Variants in RNF14 observed in about 807,000 individuals in gnomAD.
The protein encoded by RNF14 is E3 ubiquitin-protein ligase RNF14.
Under a neutral mutation model 52.6 loss-of-function variants are expected in RNF14, and 26 were observed. The observed-to-expected ratio is 0.49, with a 90% confidence interval of 0.36 to 0.69. The LOEUF (loss-of-function observed/expected upper bound fraction) is 0.69. RNF14 is among the 30% of genes least tolerant of loss of function. RNF14 has a pLI of 0.00. For synonymous variants in RNF14, 194 were observed against 202.0 expected (o/e 0.96, Z 0.34); for missense variants, 404 against 560.4 (o/e 0.72, Z 2.82).
At position 141,987,715 on chromosome 5, in the gene RNF14, C is replaced by A. The variant is rs567177882; in HGVS notation, c.1368-18C>A. The stretch of plus-strand genomic sequence containing the variant: ...TTCGTTCAAGTGTATAAAAATGTAC[C>A]TTTTTTAATGCTTCCAGGCTGTTTT... On this transcript the variant is annotated intron_variant, in intron 8 of 8. Coordinates refer to ENST00000394520, the MANE Select transcript of RNF14 (RefSeq NM_004290.5). The A allele has an allele frequency of 6.2e-7, 1 of 1,613,052 alleles. No homozygotes were observed. The highest frequency in any genetic ancestry group is 1.1e-5 in the South Asian group (1 of 91,004).
intron 1 of RNF14, among the ~76,000 whole-genome samples, chr5:141,961,643 G>T (rs1232029334): frequency 6.6e-6 from 1 of 152,068 alleles, no homozygotes; most frequent in African/African-American, 2.4e-5. Context: ...TTTTAAAAGG[G>T]CAGGATTAGG....
chr5:141,975,924 C>CA (rs5871799), intron 4 of RNF14, among the ~76,000 whole-genome samples: 29 of 131,124 alleles, frequency 2.2e-4, no homozygotes, highest in South Asian at 1.7e-3. Flanking sequence ...GACCCTGTCT[C>CA]AAAAAAAAAA....
intron 4 of RNF14, among the ~76,000 whole-genome samples, 154 bp from the exon 5 acceptor site, chr5:141,978,149 C>G (rs560987317): frequency 3.0e-5 from 1 of 33,326 alleles, no homozygotes; most frequent in Admixed American, 4.1e-4. Flanking sequence ...AATGTTTGTA[C>G]TGTTTTGTAT....
At chr5:141,974,681 G>A in intron 3 of RNF14, 123 bp from the exon 4 acceptor site, 1 of 872,936 alleles carries the variant, frequency 1.1e-6, no homozygotes, top group Non-Finnish European at 1.8e-6. Flanking sequence ...AATAGAAAGT[G>A]CTTTGGGGGA....
chr5:141,956,821 TCCAGAA>T (rs746170608), upstream of RNF14: 1 of 1,614,256 alleles, frequency 6.2e-7, no homozygotes, highest in South Asian at 1.1e-5. Context: ...GTCATTGACA[TCCAGAA>T]CCTTGATGAG....
At chr5:141,957,850 A>G (rs1445006450), upstream of RNF14, 2 of 1,597,012 alleles carry the variant, frequency 1.3e-6, no homozygotes, top group Middle Eastern at 1.7e-4. The surrounding 1 kb of genome is among the most constrained non-coding windows in gnomAD (Gnocchi z 4.3). Flanking sequence ...AAGTTGCATC[A>G]TGCTTACCGC....
upstream of RNF14, chr5:141,957,733 A>G: frequency 6.2e-7 from 1 of 1,613,800 alleles, no homozygotes. This position sits in a 1 kb window ranked among gnomAD's most constrained non-coding sequence, Gnocchi z 4.3. Context: ...ACCAGATGGC[A>G]CTTCCTCTGA....
chr5:141,981,196 T>G (rs960665230), intron 6 of RNF14, among the ~76,000 whole-genome samples: 1 of 152,228 alleles, frequency 6.6e-6, no homozygotes, highest in African/African-American at 2.4e-5. Context: ...TATTCAAAAT[T>G]GTTATATTTG....
chr5:141,967,373 T>A (rs973933144), upstream of RNF14, among the ~76,000 whole-genome samples: 1 of 152,220 alleles, frequency 6.6e-6, no homozygotes, highest in African/African-American at 2.4e-5. Flanking sequence ...TTTGATTACA[T>A]GAGTAAGTTC....
chr5:141,957,287 C>T, upstream of RNF14: 1 of 1,613,482 alleles, frequency 6.2e-7, no homozygotes, highest in Non-Finnish European at 8.5e-7. This position sits in a 1 kb window ranked among gnomAD's most constrained non-coding sequence, Gnocchi z 4.3. Context: ...TTGGTCTCAT[C>T]AGGGCCCACA....
chr5:141,957,234 G>C, upstream of RNF14: 2 of 1,614,158 alleles, frequency 1.2e-6, no homozygotes, highest in Non-Finnish European at 1.7e-6. The surrounding 1 kb of genome is among the most constrained non-coding windows in gnomAD (Gnocchi z 4.3). Flanking sequence ...AAAATGAATG[G>C]ATTTCCCTGT....
intron 3 of RNF14, 45 bp from the exon 4 acceptor site, chr5:141,974,759 A>G (rs781118509): frequency 1.0e-5 from 16 of 1,594,180 alleles, no homozygotes; most frequent in Non-Finnish European, 1.4e-5. Flanking sequence ...GTGGACACTC[A>G]AGTGTTGACC....
intron 6 of RNF14, chr5:141,982,743 T>TTC (rs1258105666): frequency 3.4e-3 from 15 of 4,412 alleles, no homozygotes; most frequent in African/African-American, 0.01. Flanking sequence ...ATTCACTGAT[T>TTC]TTTTTTTTTT....
Position 141,978,758 on chromosome 5 carries a change from G to A in RNF14, c.762G>A (p.Gln254=), listed in dbSNP as rs769769499. 11 of 1,613,896 alleles carry A rather than the reference G, an allele frequency of 6.8e-6. No homozygotes were observed. The highest frequency in any genetic ancestry group is 1.1e-5 in the South Asian group (1 of 91,072). ...GTCTGAAGGACTACTTTGAAATCCA[G>A]ATCAGAGATGGCCAGGTTCAATGCC... is the stretch of plus-strand genomic sequence containing the variant. The part of the protein sequence containing the change: ...KACLKDYFEI[Q]IRDGQVQCLN... The change falls in exon 5 of 9, where the codon CAG becomes CAA. Residue 254 remains glutamine, a synonymous_variant. Coordinates refer to ENST00000394520, the MANE Select transcript of RNF14 (RefSeq NM_004290.5).
chr5:141,971,569 TTCTTTC>T (rs1561544476), intron 2 of RNF14, among the ~76,000 whole-genome samples: 1 of 4,166 alleles, frequency 2.4e-4, no homozygotes, highest in Non-Finnish European at 5.1e-4. Flanking sequence ...TTCTTTTTCT[TTCTTTC>T]TTTCTTTCTT....
chr5:141,962,016 C>T (rs768707281), upstream of RNF14, among the ~76,000 whole-genome samples: 7 of 152,082 alleles, frequency 4.6e-5, no homozygotes, highest in African/African-American at 9.7e-5. Context: ...AAGCATCCTC[C>T]GGCTTATCCC....
upstream of RNF14, among the ~76,000 whole-genome samples, chr5:141,954,606 C>T (rs2126926129): frequency 6.6e-6 from 1 of 152,108 alleles, no homozygotes; most frequent in East Asian, 1.9e-4. Context: ...GTAACCTTGC[C>T]CAAAGCTTAT....
chr5:141,955,253 C>G (rs746450107), upstream of RNF14: 16 of 1,614,064 alleles, frequency 9.9e-6, no homozygotes, highest in Admixed American at 5.0e-5. The surrounding 1 kb of genome is among the most constrained non-coding windows in gnomAD (Gnocchi z 5.5). Context: ...GGCTGGGGCT[C>G]GGGAAGGTTC....
chr5:141,956,765 C>T, upstream of RNF14: 2 of 1,614,228 alleles, frequency 1.2e-6, no homozygotes, highest in Middle Eastern at 1.6e-4. Flanking sequence ...GCTTCTGACA[C>T]CAGTGATGGC....
Sources: gnomAD v4.1 joint callset for allele counts (sites outside exome capture counted in the v4.1 genomes callset) on GRCh38, gnomAD v4.1.1 for gene constraint, Gnocchi (gnomAD v3.1) non-coding constraint, MANE v1.5 for transcripts, NCBI Gene and HGNC (gene_info 2026-07-23, HGNC 2026-07-21) for gene names.